The following MAST4 variants were observed in gnomAD, a reference collection of about 807,000 sequenced individuals.
MAST4 encodes the protein microtubule associated serine/threonine kinase family member 4, also known as microtubule-associated serine/threonine-protein kinase 4.
Under a neutral mutation model 162.7 loss-of-function variants are expected in MAST4, and 89 were observed. The ratio of observed to expected loss-of-function variants is 0.55; its 90% CI spans 0.46 to 0.65. MAST4 has a LOEUF of 0.65. Ranked by LOEUF, MAST4 falls within the 30% of genes least tolerant of loss-of-function variation. The pLI, the probability that MAST4 is intolerant of heterozygous loss-of-function variation, is 0.00. For missense variants in MAST4, 3,153 were observed against 3,374.0 expected, an observed-to-expected ratio of 0.93 and a Z score of 1.62; for synonymous variants, 1,479 against 1,361.1, an observed-to-expected ratio of 1.09 and a Z score of -1.91.
chr5:66,779,530 C>T (rs1437332731), intron 2 of MAST4, among the ~76,000 whole-genome samples: 1 of 151,638 alleles, frequency 6.6e-6, no homozygotes, highest in East Asian at 1.9e-4. Flanking sequence ...AGTGATTTAG[C>T]AGCATTGTTG....
chr5:66,918,878 T>C (rs1764286050), intron 4 of MAST4, among the ~76,000 whole-genome samples: 1 of 152,206 alleles, frequency 6.6e-6, no homozygotes, highest in Admixed American at 6.5e-5. Context: ...GATAAAATTG[T>C]TTTAAAAATT....
chr5:66,730,744 A>G (rs987328226), intron 1 of MAST4, among the ~76,000 whole-genome samples: 1 of 139,194 alleles, frequency 7.2e-6, no homozygotes, highest in Non-Finnish European at 1.5e-5. Context: ...CCTTATGCCT[A>G]CCTACTCTGT....
At chr5:66,655,150 A>C (rs983653212) in intron 1 of MAST4, among the ~76,000 whole-genome samples, 2 of 152,286 alleles carry the variant, frequency 1.3e-5, no homozygotes, top group Non-Finnish European at 2.9e-5. Flanking sequence ...GACATGTTGC[A>C]TTGTGATGGG....
intron 3 of MAST4, chr5:66,789,642 A>C (rs577740221): frequency 4.1e-6 from 2 of 489,806 alleles, no homozygotes; most frequent in East Asian, 1.1e-4. Flanking sequence ...TTAAGGAATG[A>C]GGTCTGGAGG....
intron 4 of MAST4, among the ~76,000 whole-genome samples, chr5:66,903,438 T>TTGTGTGTGTGTGTGTG (rs3042310): frequency 2.0e-5 from 3 of 148,616 alleles, no homozygotes; most frequent in South Asian, 2.1e-4. Flanking sequence ...ACACCTGTGT[T>TTGTGTGTGTGTGTGTG]TGTGTGTGTG....
Position 67,162,730 on chromosome 5 carries a change from T to A in MAST4, c.3909T>A (p.His1303Gln). The change falls in exon 28 of 29, where the codon CAT (histidine) becomes CAA (glutamine). Residue 1303 changes from histidine to glutamine, a missense_variant. Around this residue, in one of 7 missense-constraint regions of MAST4, gnomAD observed 619 missense variants for 744.2 expected, o/e 0.83. Coordinates refer to ENST00000403625, the MANE Select transcript of MAST4 (RefSeq NM_001164664.2). The stretch of plus-strand genomic sequence containing the variant: ...AGAGCCTCCCAGGTTCCCCCACTCA[T>A]AGCTTGTCTCCCCGGTCTCCAACAC... Reference protein sequence around the residue: ...SGESLPGSPTHSLSPRSPTPS... With the variant: ...SGESLPGSPTQSLSPRSPTPS... 1.2e-6 allele frequency: 2 copies of A among 1,613,708 alleles called. No homozygotes were observed. The highest frequency in any genetic ancestry group is 2.2e-5 in the East Asian group (1 of 44,840).
intron 3 of MAST4, among the ~76,000 whole-genome samples, chr5:66,848,963 CT>C (rs1475520540): frequency 1.3e-5 from 2 of 152,212 alleles, no homozygotes; most frequent in African/African-American, 4.8e-5. Flanking sequence ...GCGTTATGCT[CT>C]TCCTGCATCA....
rs765368995 is a variant in MAST4 at position 66,659,302 on chromosome 5, T to C, written c.363+62284T>C. Among the ~76,000 whole-genome samples, 31 of 152,362 alleles carry C rather than the reference T, an allele frequency of 2.0e-4. No individual in the cohort carries two copies. In the Middle Eastern group the frequency reaches 0.01, roughly 50 times the overall value. On this transcript the variant is annotated intron_variant, in intron 1 of 28. Coordinates refer to ENST00000403625, the MANE Select transcript of MAST4 (RefSeq NM_001164664.2). ...CAGACGATGGGAAGTATAGCTTCCTTGTTTGATAGCTGGGAAGTAGCAAGG... is the reference window on the plus strand; with the variant it reads ...CAGACGATGGGAAGTATAGCTTCCTCGTTTGATAGCTGGGAAGTAGCAAGG...
chr5:67,162,093 C>T (rs1396197397), intron 27 of MAST4, among the ~76,000 whole-genome samples: 2 of 152,274 alleles, frequency 1.3e-5, no homozygotes, highest in Admixed American at 6.5e-5. Flanking sequence ...CGTTGTACAG[C>T]CTGCATTGTT....
chr5:66,783,036 G>A (rs188931043), intron 2 of MAST4, among the ~76,000 whole-genome samples: 249 of 152,168 alleles, frequency 1.6e-3, no homozygotes, highest in African/African-American at 5.5e-3. Context: ...CACTAATGGG[G>A]GTCTAGGCAG....
intron 4 of MAST4, among the ~76,000 whole-genome samples, chr5:66,953,686 C>G (rs1744956760): frequency 6.6e-6 from 1 of 152,000 alleles, no homozygotes; most frequent in Admixed American, 6.6e-5. Flanking sequence ...CATTTAAGTG[C>G]AATGAAATCA....
chr5:66,906,730 C>T (rs1319899595), intron 4 of MAST4, among the ~76,000 whole-genome samples: 1 of 152,136 alleles, frequency 6.6e-6, no homozygotes, highest in Non-Finnish European at 1.5e-5. Context: ...AGAAACAAGG[C>T]TAGCAGAAAG....
At position 66,672,080 on chromosome 5, in the gene MAST4, G is replaced by A. The variant is rs143719033; in HGVS notation, c.363+75062G>A. Among the ~76,000 whole-genome samples, 63 of 152,248 alleles carry A rather than the reference G, an allele frequency of 4.1e-4. 2 individuals carry two copies. In the East Asian group the frequency reaches 0.012, roughly 29 times the overall value. ...ATTTTGTTTGATTTAAACATGTAGT[G>A]TATTTTATTTAATATCTGCTGCTGC... On this transcript the variant is annotated intron_variant, in intron 1 of 28. Transcript: ENST00000403625.
chr5:66,660,950 A>T (rs778521532), intron 1 of MAST4, among the ~76,000 whole-genome samples: 1 of 152,214 alleles, frequency 6.6e-6, no homozygotes, highest in African/African-American at 2.4e-5. Context: ...TATTGCAGTC[A>T]GGCTTTCAAT....
At chr5:67,016,141 C>T (rs993616754) in intron 4 of MAST4, among the ~76,000 whole-genome samples, 6 of 151,964 alleles carry the variant, frequency 3.9e-5, no homozygotes, top group Middle Eastern at 3.4e-3. Context: ...CAACATCAGC[C>T]GAGGAGGAGG....
intron 3 of MAST4, among the ~76,000 whole-genome samples, chr5:66,882,330 C>A (rs1013948908): frequency 1.3e-5 from 2 of 152,084 alleles, no homozygotes; most frequent in Non-Finnish European, 2.9e-5. Context: ...CATCTTTAAA[C>A]CACTTTCTTT....
chr5:67,131,677 C>T (rs1768983594), intron 15 of MAST4, 136 bp from the exon 16 acceptor site: 1 of 748,290 alleles, frequency 1.3e-6, no homozygotes, highest in Non-Finnish European at 2.1e-6. Context: ...TAGGTTAACA[C>T]ATAGACTCCA....
intron 1 of MAST4, among the ~76,000 whole-genome samples, chr5:66,739,524 A>G (rs1752360470): frequency 6.6e-6 from 1 of 152,154 alleles, no homozygotes; most frequent in Non-Finnish European, 1.5e-5. Context: ...ATATAGAGGC[A>G]TTTCGACTTT....
intron 4 of MAST4, among the ~76,000 whole-genome samples, chr5:66,904,411 G>C (rs886368764): frequency 1.3e-5 from 2 of 152,184 alleles, no homozygotes; most frequent in Non-Finnish European, 2.9e-5. Flanking sequence ...GCTAGCTCCT[G>C]TTTTTAAGTG....
Sources: allele counts gnomAD v4.1 joint callset (sites outside exome capture counted in the v4.1 genomes callset), GRCh38; gene constraint gnomAD v4.1.1; regional missense constraint gnomAD v4.1.1; transcripts MANE v1.5; gene names NCBI Gene and HGNC (gene_info 2026-07-23, HGNC 2026-07-21).